Variants in KCNT2 observed in about 807,000 individuals in gnomAD.
The protein encoded by KCNT2 is potassium sodium-activated channel subfamily T member 2.
A neutral mutation model predicts 153.8 loss-of-function variants in KCNT2; 67 were observed. The ratio of observed to expected loss-of-function variants is 0.44; its 90% confidence interval spans 0.36 to 0.53. The LOEUF is 0.53. Ranked by LOEUF, KCNT2 falls within the 20% of genes least tolerant of loss-of-function variation. KCNT2 has a pLI of 0.00. For missense variants in KCNT2, 975 were observed against 1,354.8 expected, an observed-to-expected ratio of 0.72 and a Z score of 4.40; for synonymous variants, 500 against 458.8, an observed-to-expected ratio of 1.09 and a Z score of -1.15.
chr1:196,388,999 A>G (rs1670242250), intron 13 of KCNT2, among the ~76,000 whole-genome samples: 1 of 151,840 alleles, frequency 6.6e-6, no homozygotes, highest in Admixed American at 6.6e-5. Flanking sequence ...TATAATAAAA[A>G]TATGATGTTG....
chr1:196,570,338 A>G (rs543557661), intron 1 of KCNT2, among the ~76,000 whole-genome samples: 3 of 152,130 alleles, frequency 2.0e-5, no homozygotes, highest in Admixed American at 6.5e-5. Flanking sequence ...TTGATTACAT[A>G]ATTTTAATTT....
chr1:196,268,910 T>C (rs1657799675), intron 25 of KCNT2, among the ~76,000 whole-genome samples: 1 of 152,126 alleles, frequency 6.6e-6, no homozygotes, highest in South Asian at 2.1e-4. Context: ...ACTGCCTCTG[T>C]GGAGTGGTAA....
In KCNT2 at chr1:196,364,038, A is replaced by T. The variant is rs1352393681; in HGVS notation, c.1403+9102T>A. ...TGGAGGAGGTTAAAGAGAAATAACA[A>T]CTAAAGGCAATGCAGGATCTTAGAG... On this transcript the variant is annotated intron_variant, in intron 14 of 27. Transcript: ENST00000294725. 2.0e-5 allele frequency among the ~76,000 whole-genome samples: 3 copies of T among 152,178 alleles called. No homozygotes were observed. In the East Asian group the frequency reaches 5.8e-4, roughly 29 times the overall value.
At chr1:196,448,742 T>A (rs1675905111) in intron 8 of KCNT2, among the ~76,000 whole-genome samples, 1 of 151,714 alleles carries the variant, frequency 6.6e-6, no homozygotes, top group South Asian at 2.1e-4. Flanking sequence ...AGGAAGCCTG[T>A]TATTCAACTA....
chr1:196,294,382 T>G (rs1310151829), intron 22 of KCNT2, among the ~76,000 whole-genome samples: 1 of 152,114 alleles, frequency 6.6e-6, no homozygotes, highest in Admixed American at 6.5e-5. Flanking sequence ...TTCAAGCGAT[T>G]CTCCTGTCTC....
In KCNT2 at chr1:196,464,455, A is replaced by G. The variant is rs534222557; in HGVS notation, c.638+838T>C. Among the ~76,000 whole-genome samples the G allele has an allele frequency of 7.2e-5, 11 of 152,038 alleles. No individual in the cohort carries two copies. In the East Asian group the frequency reaches 1.9e-3, roughly 27 times the overall value. ...AAACTTGTCATACCTATGTATCTATATTTACATGCATACATGTATAGCCAT... is the reference window on the plus strand; with the variant it reads ...AAACTTGTCATACCTATGTATCTATGTTTACATGCATACATGTATAGCCAT... On this transcript the variant is annotated intron_variant, in intron 8 of 27. Coordinates refer to ENST00000294725, the MANE Select transcript of KCNT2 (RefSeq NM_198503.5).
chr1:196,388,734 G>T (rs1572267307), intron 13 of KCNT2, among the ~76,000 whole-genome samples: 1 of 151,654 alleles, frequency 6.6e-6, no homozygotes, highest in South Asian at 2.1e-4. Flanking sequence ...GTATAAGGAA[G>T]ATCATTTTGA....
At chr1:196,479,262 T>C in intron 4 of KCNT2, 24 bp from the exon 5 acceptor site, 2 of 1,375,070 alleles carry the variant, frequency 1.5e-6, no homozygotes, top group Non-Finnish European at 2.1e-6. Flanking sequence ...TGTAACTTAA[T>C]GAGAAAACGC....
chr1:196,565,036 A>G (rs1433034898), intron 1 of KCNT2, among the ~76,000 whole-genome samples: 1 of 151,758 alleles, frequency 6.6e-6, no homozygotes, highest in Non-Finnish European at 1.5e-5. Context: ...GACAATCTAC[A>G]GAATAGGAGA....
At chr1:196,454,283 C>A (rs1445728760) in intron 8 of KCNT2, among the ~76,000 whole-genome samples, 1 of 151,870 alleles carries the variant, frequency 6.6e-6, no homozygotes, top group African/African-American at 2.4e-5. Flanking sequence ...AGATATAGTG[C>A]ATGATGCTAA....
chr1:196,416,611 G>T (rs1326254494), intron 12 of KCNT2, among the ~76,000 whole-genome samples: 1 of 151,870 alleles, frequency 6.6e-6, no homozygotes, highest in Non-Finnish European at 1.5e-5. Context: ...AACAGCTGTT[G>T]AGTTCTACCT....
chr1:196,591,591 T>C (rs1052063757), intron 1 of KCNT2, among the ~76,000 whole-genome samples: 1 of 152,160 alleles, frequency 6.6e-6, no homozygotes, highest in African/African-American at 2.4e-5. Context: ...ATTCCAAGAA[T>C]GCAAATCTCC....
intron 14 of KCNT2, among the ~76,000 whole-genome samples, chr1:196,346,918 C>A (rs1407259119): frequency 6.6e-6 from 1 of 151,974 alleles, no homozygotes; most frequent in African/African-American, 2.4e-5. Context: ...AGTAGATGTT[C>A]AAAAATATTT....
At chr1:196,455,021 C>T (rs1676537166) in intron 8 of KCNT2, among the ~76,000 whole-genome samples, 1 of 151,968 alleles carries the variant, frequency 6.6e-6, no homozygotes, top group Non-Finnish European at 1.5e-5. Flanking sequence ...GTCAATTTCA[C>T]CTTCTAGTGG....
chr1:196,430,942 G>T (rs1010407689), intron 8 of KCNT2, among the ~76,000 whole-genome samples: 17 of 152,116 alleles, frequency 1.1e-4, no homozygotes, highest in African/African-American at 4.1e-4. Flanking sequence ...CTTAAATTCA[G>T]AATGCAACAT....
intron 13 of KCNT2, among the ~76,000 whole-genome samples, chr1:196,395,555 A>G (rs1670864911): frequency 6.6e-6 from 1 of 151,482 alleles, no homozygotes; most frequent in Admixed American, 6.6e-5. Flanking sequence ...CCTTTTTAGT[A>G]TTATAATGGC....
intron 14 of KCNT2, among the ~76,000 whole-genome samples, chr1:196,343,940 C>G (rs1665909341): frequency 6.6e-6 from 1 of 152,004 alleles, no homozygotes; most frequent in Non-Finnish European, 1.5e-5. Flanking sequence ...CCACCATGCC[C>G]AGCTAATTTT....
At chr1:196,399,980 A>G (rs1057372664) in intron 12 of KCNT2, among the ~76,000 whole-genome samples, 3 of 151,784 alleles carry the variant, frequency 2.0e-5, no homozygotes, top group African/African-American at 4.8e-5. Flanking sequence ...TCTGTTGTCT[A>G]TAATCCACCC....
At chr1:196,598,277 G>A (rs1026285546) in intron 1 of KCNT2, among the ~76,000 whole-genome samples, 1 of 151,900 alleles carries the variant, frequency 6.6e-6, no homozygotes, top group African/African-American at 2.4e-5. Context: ...TTTTGTTCCT[G>A]GGATACTGTT....
Sources: allele counts gnomAD v4.1 joint callset (sites outside exome capture counted in the v4.1 genomes callset), GRCh38; gene constraint gnomAD v4.1.1; transcripts MANE v1.5; gene names NCBI Gene and HGNC (gene_info 2026-07-23, HGNC 2026-07-21).